TSNARE1: variants seen among roughly 807,000 people sequenced by gnomAD.
TSNARE1 encodes t-SNARE domain containing 1, also known as t-SNARE domain-containing protein 1.
In TSNARE1, 49 loss-of-function variants were observed where a neutral mutation model predicts 62.0. The ratio of observed to expected loss-of-function variants is 0.79; its 90% CI spans 0.63 to 1.00. The LOEUF (loss-of-function observed/expected upper bound fraction) is 1.00. TSNARE1 is among the 50% of genes least tolerant of loss of function. The pLI is 0.00. For missense variants in TSNARE1, 755 were observed against 700.1 expected (o/e 1.08, Z -0.88); for synonymous variants, 328 against 294.4 (o/e 1.11, Z -1.17).
At chr8:142,353,626 G>A (rs548537315) in intron 2 of TSNARE1, among the ~76,000 whole-genome samples, 2 of 152,218 alleles carry the variant, frequency 1.3e-5, no homozygotes, top group Admixed American at 1.3e-4. Context: ...AGGGCTGGGG[G>A]TGGGAAACAA....
At chr8:142,294,091 G>A (rs1005632788) in intron 10 of TSNARE1, among the ~76,000 whole-genome samples, 5 of 152,164 alleles carry the variant, frequency 3.3e-5, no homozygotes, top group Non-Finnish European at 7.4e-5. Flanking sequence ...GGGGAGGAAA[G>A]AGCAAACTGC....
At chr8:142,230,869 C>T (rs557164449) in intron 12 of TSNARE1, among the ~76,000 whole-genome samples, 53 of 151,748 alleles carry the variant, frequency 3.5e-4, no homozygotes, top group African/African-American at 1.3e-3. Context: ...TTCATCTATC[C>T]ATCCATCCAT....
At chr8:142,290,920 C>T (rs566344855) in intron 10 of TSNARE1, among the ~76,000 whole-genome samples, 6 of 152,270 alleles carry the variant, frequency 3.9e-5, no homozygotes, top group East Asian at 3.9e-4. Flanking sequence ...ATGGGCTTGG[C>T]GAGGGAAGCC....
intron 1 of TSNARE1, among the ~76,000 whole-genome samples, chr8:142,384,886 T>C (rs1215320729): frequency 3.3e-5 from 5 of 152,276 alleles, no homozygotes; most frequent in African/African-American, 1.2e-4. Flanking sequence ...ATCAACAGAC[T>C]GCAAAGGCCA....
intron 2 of TSNARE1, 104 bp from the exon 3 acceptor site, chr8:142,345,996 C>A: frequency 1.5e-6 from 2 of 1,339,966 alleles, no homozygotes; most frequent in Non-Finnish European, 2.0e-6. Context: ...CCGAGATGCT[C>A]CACTCAGGGC....
chr8:142,386,646 T>A (rs1315958731), intron 1 of TSNARE1, among the ~76,000 whole-genome samples: 1 of 152,204 alleles, frequency 6.6e-6, no homozygotes, highest in Non-Finnish European at 1.5e-5. Flanking sequence ...AATTTTGTAA[T>A]GGGCAAAGGT....
chr8:142,276,636 C>T, intron 11 of TSNARE1: 1 of 985,444 alleles, frequency 1.0e-6, no homozygotes, highest in South Asian at 4.7e-5. Flanking sequence ...CCCGTGACCA[C>T]ACGCAGCCTC....
intron 11 of TSNARE1, chr8:142,277,717 G>A: frequency 2.0e-6 from 2 of 985,438 alleles, no homozygotes; most frequent in South Asian, 4.7e-5. Flanking sequence ...CGTGCTGCAG[G>A]GGAGCCCAGC....
At chr8:142,343,813 GGGGA>G (rs1832959102) in intron 4 of TSNARE1, among the ~76,000 whole-genome samples, 149 bp downstream of exon 4, 1 of 127,672 alleles carries the variant, frequency 7.8e-6, no homozygotes, top group African/African-American at 3.3e-5. Flanking sequence ...AGGAGGAGGA[GGGGA>G]GAGGAGGAGG....
chr8:142,314,763 G>C (rs1414714318), intron 8 of TSNARE1, among the ~76,000 whole-genome samples: 1 of 152,230 alleles, frequency 6.6e-6, no homozygotes. Context: ...TGTTCTTCCT[G>C]CTTCCCCAGA....
At chr8:142,244,192 G>A (rs1253207937) in intron 12 of TSNARE1, among the ~76,000 whole-genome samples, 4 of 152,180 alleles carry the variant, frequency 2.6e-5, no homozygotes, top group African/African-American at 9.7e-5. Flanking sequence ...ACATTAAACT[G>A]TCATGATTGG....
At chr8:142,229,109 GA>G (rs1816970653) in intron 13 of TSNARE1, among the ~76,000 whole-genome samples, 2 of 151,416 alleles carry the variant, frequency 1.3e-5, no homozygotes, top group African/African-American at 2.4e-5. Context: ...TGGATGGAAG[GA>G]TGGATGGATA....
chr8:142,254,292 C>T (rs1818320240), intron 12 of TSNARE1, among the ~76,000 whole-genome samples: 1 of 152,328 alleles, frequency 6.6e-6, no homozygotes. Context: ...TGGGGCCATG[C>T]TTCCTGGCAC....
At chr8:142,402,522 G>A (rs919642928) in intron 1 of TSNARE1, among the ~76,000 whole-genome samples, 6 of 152,248 alleles carry the variant, frequency 3.9e-5, no homozygotes, top group African/African-American at 1.2e-4. Context: ...GGGCAGCACA[G>A]ATCAACATCA....
intron 12 of TSNARE1, among the ~76,000 whole-genome samples, chr8:142,231,449 A>G (rs1396987667): frequency 2.0e-5 from 3 of 152,082 alleles, no homozygotes; most frequent in African/African-American, 7.2e-5. Context: ...GAAGGCCAAG[A>G]GTGAATCAGA....
At chr8:142,294,843 G>A (rs538912507) in intron 10 of TSNARE1, among the ~76,000 whole-genome samples, 8 of 152,346 alleles carry the variant, frequency 5.3e-5, no homozygotes, top group African/African-American at 1.7e-4. Flanking sequence ...CTGCTGCTCA[G>A]ACACAATTGA....
chr8:142,329,363 C>G (rs1308768124), intron 6 of TSNARE1, among the ~76,000 whole-genome samples: 1 of 152,220 alleles, frequency 6.6e-6, no homozygotes, highest in Non-Finnish European at 1.5e-5. Flanking sequence ...CTCTCCGAGG[C>G]CCACAGCGGG....
intron 12 of TSNARE1, among the ~76,000 whole-genome samples, chr8:142,261,753 T>G (rs1818900072): frequency 6.6e-6 from 1 of 152,254 alleles, no homozygotes; most frequent in Admixed American, 6.5e-5. Flanking sequence ...ACAAGGCAGC[T>G]CACGGGCATA....
chr8:142,272,732 G>T, intron 12 of TSNARE1: 2 of 970,022 alleles, frequency 2.1e-6, no homozygotes, highest in Non-Finnish European at 2.4e-6. Flanking sequence ...CGTGGGGAGG[G>T]CCCCTTGCAG....
Sources: gnomAD v4.1 joint callset for allele counts (sites outside exome capture counted in the v4.1 genomes callset) on GRCh38, gnomAD v4.1.1 for gene constraint, MANE v1.5 for transcripts, NCBI Gene and HGNC (gene_info 2026-07-23, HGNC 2026-07-21) for gene names.